VASH1: variants seen among roughly 807,000 people sequenced by gnomAD.
VASH1 encodes vasohibin 1, also known as tubulinyl-Tyr carboxypeptidase 1.
A neutral mutation model predicts 35.0 loss-of-function variants in VASH1; 16 were observed. The ratio of observed to expected loss-of-function variants is 0.46; its 90% CI spans 0.31 to 0.70. The LOEUF (loss-of-function observed/expected upper bound fraction) is 0.70, where lower values mean the gene tolerates loss of function less well. VASH1 is among the 30% of genes least tolerant of loss of function. The probability of loss-of-function intolerance (pLI) is 0.05; values close to 1 mark genes in which losing one functional copy is unlikely to be tolerated. For synonymous variants in VASH1, 214 were observed against 200.9 expected (o/e 1.07, Z -0.55); for missense variants, 505 against 510.7 (o/e 0.99, Z 0.11).
At chr14:76,777,471 C>T (rs1160300011) in intron 5 of VASH1, among the ~76,000 whole-genome samples, 1 of 152,218 alleles carries the variant, frequency 6.6e-6, no homozygotes, top group East Asian at 1.9e-4. Context: ...AGCACTCCTG[C>T]GTTTTGAAAA....
chr14:76,763,310 AG>A (rs1465327870), intron 1 of VASH1, among the ~76,000 whole-genome samples, 180 bp downstream of exon 1: 1 of 152,136 alleles, frequency 6.6e-6, no homozygotes, highest in African/African-American at 2.4e-5. Context: ...TCTAGGAGGG[AG>A]GCTCACATAC....
rs1365250447 is a variant in VASH1 at position 76,770,025 on chromosome 14, T to C, written c.372T>C (p.Ala124=). 6.2e-7 allele frequency: 1 copy of C among 1,614,098 alleles called. No homozygotes were observed. The highest frequency in any genetic ancestry group is 1.3e-5 in the African/African-American group (1 of 75,070). The change falls in exon 2 of 7, where the codon GCT becomes GCC. Residue 124 remains alanine (A), a synonymous_variant. Transcript: ENST00000167106. The stretch of plus-strand genomic sequence containing the variant: ...CACCTGTCCCTGAGCGCCTGGAAGC[T>C]GTGCAGCGCTACATCAGAGAGCTGC... ...PSTPVPERLE[A]VQRYIRELQY... is the part of the protein sequence containing the mutation.
chr14:76,772,553 C>T (rs548090696), intron 3 of VASH1, among the ~76,000 whole-genome samples: 3 of 152,332 alleles, frequency 2.0e-5, no homozygotes, highest in South Asian at 2.1e-4. Flanking sequence ...GGAGGAACCA[C>T]GCCTCAGGGA....
intron 1 of VASH1, 68 bp downstream of exon 1, chr14:76,763,198 AGC>A: frequency 2.3e-6 from 3 of 1,329,230 alleles, no homozygotes; most frequent in Non-Finnish European, 2.9e-6. Context: ...CCAAGAGTGA[AGC>A]CACACTCTCC....
Position 76,762,763 on chromosome 14 carries a change from G to A in VASH1, c.-59G>A. 7.1e-7 allele frequency: 1 copy of A among 1,406,294 alleles called. No individual in the cohort carries two copies. The highest frequency in any genetic ancestry group is 9.3e-7 in the Non-Finnish European group (1 of 1,070,368). The allele number at this position is 1,406,294 out of a possible 1,614,324, so 87.1% of individuals were successfully genotyped here. On this transcript the variant is annotated 5_prime_UTR_variant, in exon 1 of 7. Transcript: ENST00000167106. ...TGTTATCTCTGCAGCCGGTGTGTGG[G>A]AGGCCTCTTGTGAGCCAGTTGTTTT...
At chr14:76,763,247 T>C in intron 1 of VASH1, 117 bp downstream of exon 1, 2 of 1,095,572 alleles carry the variant, frequency 1.8e-6, no homozygotes, top group Non-Finnish European at 2.4e-6. Context: ...CGGTAAGATC[T>C]TTAAAATGCA....
rs1344157887 is a variant in VASH1, at chr14:76,779,773, C to T, written c.*755C>T. Reference sequence around the variant, plus strand: ...TGCTCAGTCCCAGCTCTGCCTGTTGCTCTAGCCCACAGGCTCCCTGCGGAG... The same window carrying T: ...TGCTCAGTCCCAGCTCTGCCTGTTGTTCTAGCCCACAGGCTCCCTGCGGAG... On this transcript the variant is annotated 3_prime_UTR_variant, in exon 7 of 7. Transcript: ENST00000167106. 6 of 539,816 alleles carry T rather than the reference C, an allele frequency of 1.1e-5. No homozygotes were observed. Among genetic ancestry groups the T allele is most frequent in the Non-Finnish European group, 1.9e-5 (6 of 307,936 alleles). The allele number at this position is 539,816 out of a possible 1,614,324, so 33.4% of individuals were successfully genotyped here. A position where few individuals can be genotyped will look rare whatever the true frequency, so the allele number is the denominator to read the frequency against.
At chr14:76,767,286 A>ATAAAT (rs1555358666) in intron 1 of VASH1, among the ~76,000 whole-genome samples, 35 of 151,926 alleles carry the variant, frequency 2.3e-4, no homozygotes, top group African/African-American at 7.3e-4. Flanking sequence ...AAATAAATAA[A>ATAAAT]AAGTCACGAC....
rs1893529513 is a variant in VASH1 at position 76,762,474 on chromosome 14, A to C, written c.-348A>C. The C allele has an allele frequency of 5.3e-6, 1 of 188,168 alleles. No homozygotes were observed. Among genetic ancestry groups the C allele is most frequent in the Non-Finnish European group, 1.1e-5 (1 of 92,712 alleles). 11.7% of individuals were successfully genotyped at this position (188,168 alleles called of 1,614,324 possible). On this transcript the variant is annotated 5_prime_UTR_variant, in exon 1 of 7. Coordinates refer to ENST00000167106, the MANE Select transcript of VASH1 (RefSeq NM_014909.5). ...GCTGTCTGGCCTCAGTTTCCCTCCG[A>C]CTTTTCTCCGCTCTGCCAGCCCTCA... is the stretch of plus-strand genomic sequence containing the variant.
At position 76,779,055 on chromosome 14, in the gene VASH1, G is replaced by C; in HGVS notation, c.*37G>C. 1 of 1,609,892 alleles carries C rather than the reference G, an allele frequency of 6.2e-7. No individual in the cohort carries two copies. On this transcript the variant is annotated 3_prime_UTR_variant, in exon 7 of 7. Coordinates refer to ENST00000167106, the MANE Select transcript of VASH1 (RefSeq NM_014909.5). ...GCACCCCAGGCCCCACCCACTCTTG[G>C]GGGCCAGGATCCACCTGCTGGAACC... is the stretch of plus-strand genomic sequence containing the variant.
intron 5 of VASH1, 54 bp from the exon 6 acceptor site, chr14:76,777,905 T>C (rs1403585989): frequency 7.6e-6 from 10 of 1,324,188 alleles, no homozygotes; most frequent in East Asian, 3.1e-5. Flanking sequence ...GAAGGAGAGG[T>C]TGGGCTCCAG....
intron 5 of VASH1, among the ~76,000 whole-genome samples, chr14:76,777,346 T>C (rs1490488988): frequency 6.6e-6 from 1 of 152,232 alleles, no homozygotes; most frequent in Non-Finnish European, 1.5e-5. Flanking sequence ...ATTGTGTCTT[T>C]AAGGCATCAG....
In VASH1 at chr14:76,776,180, C is replaced by A; in HGVS notation, c.819C>A (p.Ile273=). 1 of 1,610,828 alleles carries A rather than the reference C, an allele frequency of 6.2e-7. No individual in the cohort carries two copies. The highest frequency in any genetic ancestry group is 8.5e-7 in the Non-Finnish European group (1 of 1,179,778). Residue 273 remains isoleucine (I), a synonymous_variant, in exon 5 of 7, where the codon ATC becomes ATA. Transcript: ENST00000167106. ...VSHDPHSVEQ[I]EWKHSVLDVE... is the part of the protein sequence containing the mutation. Reference sequence around the variant, plus strand: ...ACGACCCGCACAGCGTGGAGCAGATCGAGTGGAAGCACTCGGTGCTGGACG... The same window carrying A: ...ACGACCCGCACAGCGTGGAGCAGATAGAGTGGAAGCACTCGGTGCTGGACG...
intron 4 of VASH1, chr14:76,774,943 A>G (rs1893893246): frequency 6.6e-6 from 1 of 152,218 alleles, no homozygotes; most frequent in Non-Finnish European, 1.5e-5. Context: ...CAGTGTGTAG[A>G]GTTGTTAGGA....
chr14:76,763,696 G>A (rs77367987), intron 1 of VASH1, among the ~76,000 whole-genome samples: 2,303 of 152,262 alleles, frequency 0.015, 49 homozygotes, highest in African/African-American at 0.052. Context: ...AGGGCGGGGG[G>A]TGGTGGTGGA....
Position 76,779,058 on chromosome 14 carries a change from G to A in VASH1, c.*40G>A, listed in dbSNP as rs1201674561. The A allele has an allele frequency of 6.2e-7, 1 of 1,606,004 alleles. No individual in the cohort carries two copies. Among genetic ancestry groups the A allele is most frequent in the South Asian group, 1.1e-5 (1 of 90,942 alleles). On this transcript the variant is annotated 3_prime_UTR_variant, in exon 7 of 7. Coordinates refer to ENST00000167106, the MANE Select transcript of VASH1 (RefSeq NM_014909.5). ...CCCCAGGCCCCACCCACTCTTGGGG[G>A]CCAGGATCCACCTGCTGGAACCAGC...
intron 3 of VASH1, 133 bp downstream of exon 3, chr14:76,771,379 G>C (rs1893790668): frequency 1.3e-6 from 1 of 787,636 alleles, no homozygotes; most frequent in Non-Finnish European, 1.8e-6. Context: ...TTTGGGGGCA[G>C]GTGCCACCCT....
At position 76,776,262 on chromosome 14, in the gene VASH1, A is replaced by C. The variant is rs1263782374; in HGVS notation, c.901A>C (p.Met301Leu). The C allele has an allele frequency of 6.3e-7, 1 of 1,593,598 alleles. No homozygotes were observed. Among genetic ancestry groups the C allele is most frequent in the Non-Finnish European group, 8.5e-7 (1 of 1,173,318 alleles). ...GGAGCTGGAGCGCCACGCCCGCGAC[A>C]TGCGGCTCAAGGTCTGCCCGCCTTC... Reference protein sequence around the residue: ...RKELERHARDMRLKIGKGTGP... With the variant: ...RKELERHARDLRLKIGKGTGP... Residue 301 changes from methionine to leucine, a missense_variant, in exon 5 of 7, where the codon ATG (methionine) becomes CTG (leucine). Transcript: ENST00000167106.
rs941570742 is a variant in VASH1 at position 76,779,966 on chromosome 14, A to C, written c.*948A>C. On this transcript the variant is annotated 3_prime_UTR_variant, in exon 7 of 7. Transcript: ENST00000167106. ...GCAGTGCCAGGAGCCCTTGCTGGGG[A>C]AATCAAGACCAGACTAGGATGCTTC... The C allele has an allele frequency of 5.5e-6, 1 of 181,976 alleles. No individual in the cohort carries two copies. The highest frequency in any genetic ancestry group is 1.2e-5 in the Non-Finnish European group (1 of 86,102). 11.3% of individuals were successfully genotyped at this position (181,976 alleles called of 1,614,324 possible). A position where few individuals can be genotyped will look rare whatever the true frequency, so the allele number is the denominator to read the frequency against.
Sources: allele counts gnomAD v4.1 joint callset (sites outside exome capture counted in the v4.1 genomes callset), GRCh38; gene constraint gnomAD v4.1.1; transcripts MANE v1.5; gene names NCBI Gene and HGNC (gene_info 2026-07-23, HGNC 2026-07-21).